The following NEK6 variants were observed in gnomAD, a reference collection of about 807,000 sequenced individuals.
NEK6 encodes serine/threonine-protein kinase Nek6.
A neutral mutation model predicts 43.5 loss-of-function variants in NEK6; 27 were observed. That is an observed-to-expected ratio of 0.62 (90% CI 0.46 to 0.86). The LOEUF (loss-of-function observed/expected upper bound fraction) is 0.86. Ranked by LOEUF, NEK6 falls within the 40% of genes least tolerant of loss-of-function variation. The pLI, the probability that NEK6 is intolerant of heterozygous loss-of-function variation, is 0.00. For synonymous variants in NEK6, 167 were observed against 164.1 expected (o/e 1.02, Z -0.14); for missense variants, 318 against 414.4 (o/e 0.77, Z 2.02).
At chr9:124,293,344 A>C (rs1332853550) in intron 1 of NEK6, among the ~76,000 whole-genome samples, 1 of 152,198 alleles carries the variant, frequency 6.6e-6, no homozygotes, top group Admixed American at 6.5e-5. Flanking sequence ...CAGAGGAAGC[A>C]CTCAGCAGAT....
chr9:124,307,949 G>A (rs1833341134), intron 2 of NEK6, among the ~76,000 whole-genome samples: 1 of 152,198 alleles, frequency 6.6e-6, no homozygotes, highest in African/African-American at 2.4e-5. Flanking sequence ...CAGTCCCCGG[G>A]GAAGCAGGTC....
intron 7 of NEK6, among the ~76,000 whole-genome samples, chr9:124,329,397 C>A (rs1397789566): frequency 6.6e-6 from 1 of 152,232 alleles, no homozygotes; most frequent in Non-Finnish European, 1.5e-5. Context: ...GTTAGGATCG[C>A]ATCATTAGGA....
rs1006392407 is a variant in NEK6 at position 124,340,866 on chromosome 9, T to A, written c.717+1201T>A. Among the ~76,000 whole-genome samples, 4 of 152,200 alleles carry A rather than the reference T, an allele frequency of 2.6e-5. No individual in the cohort carries two copies. In the East Asian group the frequency reaches 7.7e-4, roughly 29 times the overall value. The stretch of plus-strand genomic sequence containing the variant: ...AGGCTGACCTCACAGCCCTTGTGCA[T>A]GAACTTGAGGGCTACGCTGCCCACC... On this transcript the variant is annotated intron_variant, in intron 8 of 9. Transcript: ENST00000320246.
chr9:124,348,538 G>C (rs1272781134), intron 9 of NEK6, among the ~76,000 whole-genome samples: 1 of 152,168 alleles, frequency 6.6e-6, no homozygotes, highest in African/African-American at 2.4e-5. Context: ...CTGTTCCTAG[G>C]TGAGTCACCT....
At chr9:124,273,518 C>T (rs997024856) in intron 1 of NEK6, among the ~76,000 whole-genome samples, 1 of 152,192 alleles carries the variant, frequency 6.6e-6, no homozygotes, top group Non-Finnish European at 1.5e-5. Flanking sequence ...GGCCCGTATC[C>T]ACCCTTCCTG....
At chr9:124,335,966 G>C (rs190371386) in intron 7 of NEK6, among the ~76,000 whole-genome samples, 1 of 152,106 alleles carries the variant, frequency 6.6e-6, no homozygotes, top group African/African-American at 2.4e-5. Context: ...TAGGCGGGGC[G>C]TGGTGGCTCA....
chr9:124,326,378 T>C lies in NEK6; in HGVS notation c.454T>C (p.Tyr152His). Residue 152 changes from tyrosine to histidine, a missense_variant, in exon 6 of 10, where the codon TAC (tyrosine) becomes CAC (histidine). Around this residue, in one of 2 missense-constraint regions of NEK6, gnomAD observed 239 missense variants for 344.4 expected, o/e 0.69. Coordinates refer to ENST00000320246, the MANE Select transcript of NEK6 (RefSeq NM_014397.6). The surrounding 1 kb of genome is among the most constrained non-coding windows in gnomAD (Gnocchi z 4.5). ...CATCCCGGAGAGGACAGTATGGAAG[T>C]ACTTTGTGCAGCTGTGCAGCGCCGT... The part of the protein sequence containing the change: ...RLIPERTVWK[Y>H]FVQLCSAVEH... 6.2e-7 allele frequency: 1 copy of C among 1,611,688 alleles called. No homozygotes were observed. Among genetic ancestry groups the C allele is most frequent in the Non-Finnish European group, 8.5e-7 (1 of 1,179,890 alleles).
At chr9:124,325,859 TG>T (rs1421067205) in intron 5 of NEK6, among the ~76,000 whole-genome samples, 1 of 152,138 alleles carries the variant, frequency 6.6e-6, no homozygotes, top group Non-Finnish European at 1.5e-5. Context: ...TCCGAGGAGA[TG>T]GGGGCAGCTG....
intron 1 of NEK6, among the ~76,000 whole-genome samples, chr9:124,289,008 G>T (rs371675504): frequency 6.6e-6 from 1 of 152,070 alleles, no homozygotes; most frequent in Non-Finnish European, 1.5e-5. Flanking sequence ...TAGAAAGAGG[G>T]TCTTGCTCTT....
At chr9:124,329,792 A>G (rs1828872565) in intron 7 of NEK6, among the ~76,000 whole-genome samples, 2 of 152,264 alleles carry the variant, frequency 1.3e-5, no homozygotes, top group Non-Finnish European at 2.9e-5. Context: ...CCTTCCACCA[A>G]GAGGTTCTGC....
intron 8 of NEK6, among the ~76,000 whole-genome samples, chr9:124,345,927 G>A (rs1053724775): frequency 1.4e-4 from 22 of 152,174 alleles, no homozygotes; most frequent in Non-Finnish European, 2.6e-4. Context: ...CTCCCAGCCC[G>A]CTCCTGGTCA....
chr9:124,321,140 G>A (rs553105906), intron 4 of NEK6, among the ~76,000 whole-genome samples: 2 of 152,348 alleles, frequency 1.3e-5, no homozygotes, highest in Admixed American at 1.3e-4. Flanking sequence ...TCCATGCTGA[G>A]TCTCACATAG....
chr9:124,266,174 A>G (rs911125441), intron 1 of NEK6, among the ~76,000 whole-genome samples: 1 of 151,942 alleles, frequency 6.6e-6, no homozygotes, highest in African/African-American at 2.4e-5. Flanking sequence ...GGGCTGTGGA[A>G]CTTCCTCCTG....
At chr9:124,336,647 C>T (rs1829308256) in intron 7 of NEK6, among the ~76,000 whole-genome samples, 2 of 152,178 alleles carry the variant, frequency 1.3e-5, no homozygotes, top group Admixed American at 1.3e-4. Context: ...GTGAGGACAG[C>T]AGCAGCCTCT....
At chr9:124,328,341 G>A (rs1054949731) in intron 7 of NEK6, among the ~76,000 whole-genome samples, 9 of 152,134 alleles carry the variant, frequency 5.9e-5, no homozygotes, top group African/African-American at 4.8e-5. Context: ...GTTTCACCAC[G>A]CCCATCTGTG....
rs1475010150 is a variant in NEK6 at position 124,351,551 on chromosome 9, G to C, written c.*604G>C. The C allele has an allele frequency of 6.6e-6, 1 of 152,252 alleles. No individual in the cohort carries two copies. Among genetic ancestry groups the C allele is most frequent in the Non-Finnish European group, 1.5e-5 (1 of 68,102 alleles). The allele number at this position is 152,252 out of a possible 1,614,324, so 9.4% of individuals were successfully genotyped here. On this transcript the variant is annotated 3_prime_UTR_variant, in exon 10 of 10. Transcript: ENST00000320246. Reference sequence around the variant, plus strand: ...CTGGCCAGAGTGTCACAGGCAAAAGGCATCGGGAAGCAGGAGCATCTTCTT... The same window carrying C: ...CTGGCCAGAGTGTCACAGGCAAAAGCCATCGGGAAGCAGGAGCATCTTCTT...
chr9:124,257,948 G>A, upstream of NEK6: 1 of 978,322 alleles, frequency 1.0e-6, no homozygotes, highest in African/African-American at 1.8e-5. Flanking sequence ...GGCCCGCGCA[G>A]GCGGTGGCGG....
intron 1 of NEK6, among the ~76,000 whole-genome samples, chr9:124,264,814 C>CAAAAAAA (rs372219790): frequency 2.3e-5 from 2 of 88,694 alleles, no homozygotes; most frequent in African/African-American, 4.3e-5. Flanking sequence ...GACTCTGTAT[C>CAAAAAAA]AAAAAAAAAA....
At chr9:124,350,652 T>C (rs1478046812) in intron 9 of NEK6, among the ~76,000 whole-genome samples, 185 bp from the exon 10 acceptor site, 5 of 152,110 alleles carry the variant, frequency 3.3e-5, no homozygotes. Flanking sequence ...GGCTAGCCCT[T>C]GGGAGCCATG....
Sources: gnomAD v4.1 joint callset for allele counts (sites outside exome capture counted in the v4.1 genomes callset) on GRCh38, gnomAD v4.1.1 for gene constraint, gnomAD v4.1.1 regional missense constraint, Gnocchi (gnomAD v3.1) non-coding constraint, MANE v1.5 for transcripts, NCBI Gene and HGNC (gene_info 2026-07-23, HGNC 2026-07-21) for gene names.